SUMF1: variants seen among roughly 807,000 people sequenced by gnomAD.
SUMF1 encodes the protein formylglycine-generating enzyme.
In SUMF1, 48 loss-of-function variants were observed where a neutral mutation model predicts 47.6. The observed-to-expected ratio is 1.01, with a 90% confidence interval of 0.80 to 1.28. The LOEUF (loss-of-function observed/expected upper bound fraction) is 1.28, where lower values mean the gene tolerates loss of function less well. SUMF1 is among the 50% of genes most tolerant of loss of function. The pLI, the probability that SUMF1 is intolerant of heterozygous loss-of-function variation, is 0.00. For synonymous variants in SUMF1, 230 were observed against 192.1 expected, an observed-to-expected ratio of 1.20 and a Z score of -1.63; for missense variants, 571 against 485.4, an observed-to-expected ratio of 1.18 and a Z score of -1.66.
chr3:4,207,651 C>T (rs773253200), intron 8 of SUMF1, among the ~76,000 whole-genome samples: 3 of 152,066 alleles, frequency 2.0e-5, no homozygotes, highest in Non-Finnish European at 2.9e-5. Flanking sequence ...ATGTGAGGAG[C>T]TCAAGAATCA....
intron 8 of SUMF1, among the ~76,000 whole-genome samples, chr3:4,076,676 C>T (rs1356508241): frequency 5.3e-5 from 8 of 152,114 alleles, no homozygotes; most frequent in Admixed American, 1.3e-4. Flanking sequence ...CATCAAAAAG[C>T]GGGTGAAGGA....
chr3:4,245,055 A>G (rs1696631170), intron 8 of SUMF1, among the ~76,000 whole-genome samples: 1 of 151,958 alleles, frequency 6.6e-6, no homozygotes. Flanking sequence ...TGTATGCTTC[A>G]AAAAGTTCTT....
intron 3 of SUMF1, among the ~76,000 whole-genome samples, chr3:4,443,962 G>C (rs565361223): frequency 1.3e-5 from 2 of 152,134 alleles, no homozygotes; most frequent in African/African-American, 4.8e-5. Flanking sequence ...ACTAGATATT[G>C]AAAGCTTCTA....
At chr3:4,232,180 G>C (rs1479836661) in intron 8 of SUMF1, among the ~76,000 whole-genome samples, 7 of 151,984 alleles carry the variant, frequency 4.6e-5, no homozygotes, top group Non-Finnish European at 1.0e-4. Flanking sequence ...AACCATACTG[G>C]GGCAGGAGAG....
At chr3:4,097,082 T>C (rs1247183339) in intron 8 of SUMF1, among the ~76,000 whole-genome samples, 2 of 152,242 alleles carry the variant, frequency 1.3e-5, no homozygotes, top group East Asian at 1.9e-4. Context: ...AAACTTCTGG[T>C]TTAGTCAACA....
intron 8 of SUMF1, chr3:4,316,209 T>C (rs1426748111): frequency 1.4e-6 from 1 of 693,536 alleles, no homozygotes. Flanking sequence ...ATGTTTATTT[T>C]AGACTATGAA....
chr3:4,338,936 C>T (rs1257276132), intron 8 of SUMF1, among the ~76,000 whole-genome samples: 3 of 152,142 alleles, frequency 2.0e-5, no homozygotes, highest in African/African-American at 4.8e-5. Context: ...CCAGGTCTGT[C>T]TTTGCTCACC....
intron 8 of SUMF1, chr3:4,303,440 C>A: frequency 1.3e-6 from 2 of 1,551,006 alleles, no homozygotes; most frequent in South Asian, 1.2e-5. Flanking sequence ...GCCTGAGGCC[C>A]CGACTGAGCA....
At chr3:4,347,431 C>T (rs308711) in intron 8 of SUMF1, among the ~76,000 whole-genome samples, 9,737 of 152,116 alleles carry the variant, frequency 0.064, 512 homozygotes, top group South Asian at 0.29. Context: ...AATGACAAAA[C>T]CACATGATTA....
At position 4,170,537 on chromosome 3, in the gene SUMF1, G is replaced by C. The variant is rs76506644; in HGVS notation, c.1015-101792C>G. On this transcript the variant is annotated intron_variant and NMD_transcript_variant, in intron 8 of 12. Transcript: ENST00000448413. ...TAATTTTAAAATTGCATTTGATTTTGAAAAATGAACACAGTTGGAAGATTT... is the reference window on the plus strand; with the variant it reads ...TAATTTTAAAATTGCATTTGATTTTCAAAAATGAACACAGTTGGAAGATTT... Among the ~76,000 whole-genome samples the C allele has an allele frequency of 6.3e-3, 957 of 152,240 alleles. 12 individuals are homozygous for C. Among genetic ancestry groups the C allele is most frequent in the African/African-American group, 0.021 (890 of 41,552 alleles).
At chr3:4,374,762 A>G (rs1200537331) in intron 8 of SUMF1, among the ~76,000 whole-genome samples, 2 of 152,228 alleles carry the variant, frequency 1.3e-5, no homozygotes, top group East Asian at 3.8e-4. Flanking sequence ...ATTTGTAGCA[A>G]TAACTTCAAA....
At chr3:4,222,990 T>C (rs545276698) in intron 8 of SUMF1, among the ~76,000 whole-genome samples, 15 of 152,224 alleles carry the variant, frequency 9.9e-5, no homozygotes, top group African/African-American at 3.6e-4. Context: ...CTGCATAGGA[T>C]GAGGGTGTGA....
At position 4,456,769 on chromosome 3, in the gene SUMF1, T is replaced by TAC. The variant is rs1283544576; in HGVS notation, c.271-3722_271-3721dup. 4.5e-3 allele frequency among the ~76,000 whole-genome samples: 594 copies of TAC among 132,194 alleles called. 25 individuals are homozygous for TAC. The highest frequency in any genetic ancestry group is 0.015 in the East Asian group (60 of 4,048). 86.7% of individuals were successfully genotyped at this position (132,194 alleles called of 152,430 possible). On this transcript the variant is annotated intron_variant, in intron 1 of 8. Transcript: ENST00000272902. ...ACATATATACGTGTGTGTGTATATATACACATATATACGTGTGTGTGTATA... is the reference window on the plus strand; with the variant it reads ...ACATATATACGTGTGTGTGTATATATACACACATATATACGTGTGTGTGTATA...
At chr3:4,226,105 C>T (rs1348641948) in intron 8 of SUMF1, among the ~76,000 whole-genome samples, 2 of 152,002 alleles carry the variant, frequency 1.3e-5, no homozygotes, top group African/African-American at 2.4e-5. Context: ...AGGATCTACC[C>T]GCTCGCCATT....
intron 8 of SUMF1, among the ~76,000 whole-genome samples, chr3:4,125,783 T>C (rs1170337124): frequency 6.6e-6 from 1 of 152,134 alleles, no homozygotes; most frequent in Non-Finnish European, 1.5e-5. Context: ...CAAGCAATCC[T>C]CCTGTCTCAG....
intron 3 of SUMF1, 62 bp from the exon 4 acceptor site, chr3:4,420,208 C>A: frequency 1.5e-6 from 2 of 1,327,552 alleles, no homozygotes; most frequent in South Asian, 2.4e-5. Flanking sequence ...AAAATATCAA[C>A]TCAGTACATG....
intron 8 of SUMF1, among the ~76,000 whole-genome samples, chr3:4,214,180 G>A (rs1695864403): frequency 6.6e-6 from 1 of 152,100 alleles, no homozygotes; most frequent in Non-Finnish European, 1.5e-5. Context: ...CTCAGCAAAT[G>A]CAAAAGAACG....
At chr3:4,442,456 T>C (rs1326943975) in intron 3 of SUMF1, among the ~76,000 whole-genome samples, 2 of 151,298 alleles carry the variant, frequency 1.3e-5, no homozygotes, top group Non-Finnish European at 2.9e-5. Context: ...AGACGGGGTT[T>C]CACCGTTTTA....
At chr3:4,317,922 T>C (rs954830764) in intron 8 of SUMF1, among the ~76,000 whole-genome samples, 1 of 152,126 alleles carries the variant, frequency 6.6e-6, no homozygotes, top group Non-Finnish European at 1.5e-5. Context: ...TATTCAGGTG[T>C]AATTAGGATA....
Sources: allele counts gnomAD v4.1 joint callset (sites outside exome capture counted in the v4.1 genomes callset), GRCh38; gene constraint gnomAD v4.1.1; transcripts MANE v1.5; gene names NCBI Gene and HGNC (gene_info 2026-07-23, HGNC 2026-07-21).